The following WNK1 variants were observed in gnomAD, a reference collection of about 807,000 sequenced individuals.
WNK1 encodes serine/threonine-protein kinase WNK1.
WNK1 carries 38 observed loss-of-function variants against 222.8 expected under a neutral mutation model. The observed-to-expected ratio is 0.17, with a 90% CI of 0.13 to 0.22. WNK1 has a LOEUF of 0.22. Ranked by LOEUF, WNK1 falls within the 10% of genes least tolerant of loss-of-function variation. The pLI, the probability that WNK1 is intolerant of heterozygous loss-of-function variation, is 1.00. For missense variants in WNK1, 2,348 were observed against 2,918.4 expected, an observed-to-expected ratio of 0.80 and a Z score of 4.50; for synonymous variants, 1,090 against 1,092.9, an observed-to-expected ratio of 1.00 and a Z score of 0.05.
intron 1 of WNK1, among the ~76,000 whole-genome samples, chr12:769,447 C>T (rs1942200469): frequency 6.6e-6 from 1 of 152,190 alleles, no homozygotes; most frequent in South Asian, 2.1e-4. Flanking sequence ...AGTGATCTTC[C>T]CGTCTCAGCC....
intron 2 of WNK1, among the ~76,000 whole-genome samples, chr12:815,465 A>G (rs1947269929): frequency 6.6e-6 from 1 of 152,164 alleles, no homozygotes; most frequent in African/African-American, 2.4e-5. Flanking sequence ...CTGTCCTGCA[A>G]ATTCTAATTT....
intron 20 of WNK1, 36 bp downstream of exon 20, chr12:887,340 T>C: frequency 1.9e-6 from 3 of 1,606,424 alleles, no homozygotes; most frequent in Non-Finnish European, 2.6e-6. Flanking sequence ...TCCTGTGCCC[T>C]ACTTTCTTTG....
chr12:869,535 A>G (rs1403025799), intron 8 of WNK1, among the ~76,000 whole-genome samples: 1 of 152,224 alleles, frequency 6.6e-6, no homozygotes, highest in East Asian at 1.9e-4. Flanking sequence ...AATATAAAAC[A>G]TGGAAAATAG....
chr12:883,157 T>G (rs1953330246), intron 15 of WNK1, 98 bp downstream of exon 15: 1 of 1,064,328 alleles, frequency 9.4e-7, no homozygotes, highest in Admixed American at 1.7e-5. Context: ...CCATGTTTTT[T>G]TAAAGTTATG....
intron 5 of WNK1, 80 bp downstream of exon 5, chr12:857,329 C>T (rs550970950): frequency 2.6e-5 from 32 of 1,214,706 alleles, no homozygotes; most frequent in South Asian, 1.1e-4. Flanking sequence ...ACACATTCTA[C>T]GGTGTATTTA....
chr12:818,910 A>G (rs2154019299), intron 2 of WNK1, among the ~76,000 whole-genome samples: 1 of 152,306 alleles, frequency 6.6e-6, no homozygotes, highest in South Asian at 2.1e-4. Flanking sequence ...GGCTATTATG[A>G]GTACTGCTGC....
Position 859,229 on chromosome 12 carries a change from T to C in WNK1, c.1401-16T>C. 1 of 1,595,292 alleles carries C rather than the reference T, an allele frequency of 6.3e-7. No individual in the cohort carries two copies. The highest frequency in any genetic ancestry group is 8.6e-7 in the Non-Finnish European group (1 of 1,163,228). ...TGTTTTATTTTTGTTCCTTTTCTTT[T>C]CCCTCTGTTTGGAAGATATTCCATC... On this transcript the variant is annotated splice_polypyrimidine_tract_variant and intron_variant, in intron 5 of 27. Transcript: ENST00000315939.
Position 911,267 on chromosome 12 carries a change from T to C in WNK1, c.*2475T>C. 1 of 398,610 alleles carries C rather than the reference T, an allele frequency of 2.5e-6. No individual in the cohort carries two copies. Among genetic ancestry groups the C allele is most frequent in the Non-Finnish European group, 4.4e-6 (1 of 226,056 alleles). 24.7% of individuals were successfully genotyped at this position (398,610 alleles called of 1,614,324 possible). On this transcript the variant is annotated 3_prime_UTR_variant, in exon 28 of 28. Transcript: ENST00000315939. ...ATGTTTTCCTTACATTATTTAACAATGTACACTGTTAAAAATAAAAATAAA... is the reference window on the plus strand; with the variant it reads ...ATGTTTTCCTTACATTATTTAACAACGTACACTGTTAAAAATAAAAATAAA...
intron 1 of WNK1, chr12:781,259 A>G (rs1379753685): frequency 6.5e-6 from 1 of 154,202 alleles, no homozygotes; most frequent in East Asian, 1.8e-4. Flanking sequence ...TTTTGGAAGA[A>G]TGAAAAACTG....
chr12:905,827 A>G (rs774436387), intron 26 of WNK1, among the ~76,000 whole-genome samples: 1 of 152,070 alleles, frequency 6.6e-6, no homozygotes, highest in Non-Finnish European at 1.5e-5. Flanking sequence ...TTCACACTGT[A>G]TGTGCAATAG....
chr12:857,633 TCAGCTCAGCTATTACA>T (rs1950887098), intron 5 of WNK1, among the ~76,000 whole-genome samples: 1 of 152,224 alleles, frequency 6.6e-6, no homozygotes, highest in Non-Finnish European at 1.5e-5. Flanking sequence ...CTCTTTAAAG[TCAGCTCAGCTATTACA>T]GGTCTGATTT....
intron 4 of WNK1, among the ~76,000 whole-genome samples, chr12:854,138 TA>T (rs1182479958): frequency 6.6e-6 from 1 of 151,660 alleles, no homozygotes; most frequent in Admixed American, 6.6e-5. Flanking sequence ...GAGGCCAAGG[TA>T]GGAGGATCGG....
chr12:837,464 C>CT (rs1308201259), intron 4 of WNK1, among the ~76,000 whole-genome samples: 6 of 151,042 alleles, frequency 4.0e-5, no homozygotes, highest in Non-Finnish European at 7.4e-5. Flanking sequence ...ATCCCAGCTA[C>CT]TAGGGAGGCT....
intron 1 of WNK1, among the ~76,000 whole-genome samples, chr12:800,601 G>T (rs998170086): frequency 4.6e-5 from 7 of 152,100 alleles, no homozygotes; most frequent in African/African-American, 1.4e-4. Context: ...CAAGTGTGAT[G>T]ATCTGTGGGC....
intron 11 of WNK1, 60 bp from the exon 12 acceptor site, chr12:880,654 TCTTGCTG>T (rs1953065180): frequency 6.7e-7 from 1 of 1,503,298 alleles, no homozygotes; most frequent in African/African-American, 1.4e-5. Flanking sequence ...TTTTTGCATG[TCTTGCTG>T]TTTTGCTAAT....
chr12:837,584 AAAAAAAAAG>A (rs1275757525), intron 4 of WNK1, among the ~76,000 whole-genome samples: 94 of 138,982 alleles, frequency 6.8e-4, no homozygotes, highest in Middle Eastern at 3.5e-3. Flanking sequence ...AAAAAAAAAA[AAAAAAAAAG>A]AAAAGAAAAG....
Position 855,221 on chromosome 12 carries a change from C to G in WNK1, c.1312-1940C>G, listed in dbSNP as rs140826801. 1.2e-4 allele frequency among the ~76,000 whole-genome samples: 18 copies of G among 152,250 alleles called. No homozygotes were observed. The East Asian group carries it at 3.5e-3, about 29-fold the overall frequency. On this transcript the variant is annotated intron_variant, in intron 4 of 27. Coordinates refer to ENST00000315939, the MANE Select transcript of WNK1 (RefSeq NM_018979.4). ...GAAGATAAAAACAAGCTGGGAAAAA[C>G]TTAGGTGGAGTTGGAAAAATAAGAT...
chr12:857,133 T>C, intron 4 of WNK1, 28 bp from the exon 5 acceptor site: 1 of 1,607,394 alleles, frequency 6.2e-7, no homozygotes, highest in South Asian at 1.1e-5. Context: ...CCTGCTTTTA[T>C]TAATGTATTT....
intron 1 of WNK1, among the ~76,000 whole-genome samples, chr12:804,095 A>C (rs1946126798): frequency 6.6e-6 from 1 of 152,210 alleles, no homozygotes; most frequent in African/African-American, 2.4e-5. Flanking sequence ...CATGTACCTC[A>C]AGTCCTTACC....
Sources: allele counts gnomAD v4.1 joint callset (sites outside exome capture counted in the v4.1 genomes callset), GRCh38; gene constraint gnomAD v4.1.1; transcripts MANE v1.5; gene names NCBI Gene and HGNC (gene_info 2026-07-23, HGNC 2026-07-21).